MARCO: variants seen among roughly 807,000 people sequenced by gnomAD.
MARCO encodes the protein macrophage receptor with collagenous structure, also known as macrophage receptor MARCO.
In MARCO, 72 loss-of-function variants were observed where a neutral mutation model predicts 70.0. That is an observed-to-expected ratio of 1.03 (90% confidence interval 0.85 to 1.25). MARCO has a LOEUF of 1.25. Among genes scored for constraint, MARCO ranks in the 50% most tolerant of loss-of-function variants. MARCO has a pLI of 0.00. For synonymous variants in MARCO, 273 were observed against 243.1 expected (o/e 1.12, Z -1.14); for missense variants, 696 against 659.3 (o/e 1.06, Z -0.61).
chr2:118,942,738 C>T (rs1007755287), intron 1 of MARCO, among the ~76,000 whole-genome samples: 1 of 151,866 alleles, frequency 6.6e-6, no homozygotes, highest in Non-Finnish European at 1.5e-5. Context: ...ACAATGAAAA[C>T]GCAAAACAGG....
chr2:118,948,027 C>T (rs1024637484), intron 1 of MARCO, among the ~76,000 whole-genome samples: 1 of 152,160 alleles, frequency 6.6e-6, no homozygotes, highest in African/African-American at 2.4e-5. Flanking sequence ...AAAATTTCAG[C>T]ATACAGATCC....
chr2:118,977,340 G>C (rs1372514659), intron 6 of MARCO, 131 bp from the exon 7 acceptor site: 1 of 746,576 alleles, frequency 1.3e-6, no homozygotes, highest in Non-Finnish European at 2.4e-6. Flanking sequence ...GAGAGAGTGA[G>C]AGTGAGAGAG....
chr2:118,948,744 T>C (rs2104546769), intron 1 of MARCO, among the ~76,000 whole-genome samples: 1 of 152,220 alleles, frequency 6.6e-6, no homozygotes, highest in East Asian at 1.9e-4. Flanking sequence ...TACAACATAA[T>C]ACTTAAGAAG....
intron 8 of MARCO, among the ~76,000 whole-genome samples, chr2:118,980,785 G>A (rs1680374426): frequency 6.6e-6 from 1 of 152,122 alleles, no homozygotes; most frequent in East Asian, 1.9e-4. Context: ...AACCAAAGAA[G>A]TCACAGAGCC....
Position 118,986,216 on chromosome 2 carries a change from C to T in MARCO, c.1063+3806C>T, listed in dbSNP as rs112673540. On this transcript the variant is annotated intron_variant, in intron 12 of 16. Coordinates refer to ENST00000327097, the MANE Select transcript of MARCO (RefSeq NM_006770.4). ...TTTGAGTCCCTTATCCTTCATCTCA[C>T]TTCTTACCACAAGGTCGATTTGTCA... is the stretch of plus-strand genomic sequence containing the variant. Among the ~76,000 whole-genome samples, 288 of 152,284 alleles carry T rather than the reference C, an allele frequency of 1.9e-3. 5 individuals are homozygous for T. Among genetic ancestry groups the T allele is most frequent in the African/African-American group, 6.0e-3 (248 of 41,542 alleles).
At position 118,991,763 on chromosome 2, in the gene MARCO, G is replaced by GTC. The variant is rs768723869; in HGVS notation, c.1109-9_1109-8dup. 6.5e-7 allele frequency: 1 copy of GTC among 1,537,182 alleles called. No homozygotes were observed. Among genetic ancestry groups the GTC allele is most frequent in the African/African-American group, 1.4e-5 (1 of 73,308 alleles). On this transcript the variant is annotated splice_polypyrimidine_tract_variant and intron_variant, in intron 13 of 16. Coordinates refer to ENST00000327097, the MANE Select transcript of MARCO (RefSeq NM_006770.4). ...AAGCAGGGCACCTGATCAGGGCAGT[G>GTC]TCTCTCCTTCCAGGCCCTGCAGGTG...
At chr2:118,992,572 T>A (rs767420432) in intron 15 of MARCO, 96 bp downstream of exon 15, 4 of 1,104,850 alleles carry the variant, frequency 3.6e-6, no homozygotes, top group Non-Finnish European at 5.4e-6. Flanking sequence ...GGTTCTCAAA[T>A]AAATTTCTCA....
At position 118,981,552 on chromosome 2, in the gene MARCO, T is replaced by C. The variant is rs200351629; in HGVS notation, c.865+45T>C. On this transcript the variant is annotated intron_variant, in intron 9 of 16. Coordinates refer to ENST00000327097, the MANE Select transcript of MARCO (RefSeq NM_006770.4). The stretch of plus-strand genomic sequence containing the variant: ...CATCCACTGACCTCTAGGTATTTCC[T>C]TTTTTTTTTTTTTCTGGCTGGCTGA... 1.9e-5 allele frequency: 10 copies of C among 535,704 alleles called. No homozygotes were observed. The East Asian group carries it at 5.9e-4, about 32-fold the overall frequency. The allele number at this position is 535,704 out of a possible 1,614,324, so 33.2% of individuals were successfully genotyped here.
intron 15 of MARCO, chr2:118,992,902 C>T (rs1038849014): frequency 3.9e-6 from 2 of 517,296 alleles, no homozygotes; most frequent in Admixed American, 3.6e-5. Flanking sequence ...CACAGGGGCA[C>T]CTGCCCCTGT....
chr2:118,949,689 G>T (rs1679682072), intron 1 of MARCO: 1 of 152,172 alleles, frequency 6.6e-6, no homozygotes, highest in Non-Finnish European at 1.5e-5. Flanking sequence ...GGTAGGGCTT[G>T]ACCCAGGAAC....
intron 12 of MARCO, among the ~76,000 whole-genome samples, chr2:118,986,224 C>T (rs1172995989): frequency 3.3e-5 from 5 of 152,098 alleles, no homozygotes; most frequent in Non-Finnish European, 7.3e-5. Context: ...CACTTCTTAC[C>T]ACAAGGTCGA....
At chr2:118,974,707 G>A in intron 6 of MARCO, 142 bp downstream of exon 6, 1 of 814,808 alleles carries the variant, frequency 1.2e-6, no homozygotes, top group African/African-American at 1.7e-5. Context: ...GGAGACCCCA[G>A]AGGGGATGAG....
At chr2:118,954,885 G>A (rs1409671441) in intron 1 of MARCO, among the ~76,000 whole-genome samples, 1 of 151,942 alleles carries the variant, frequency 6.6e-6, no homozygotes, top group Non-Finnish European at 1.5e-5. Context: ...CTACATCAAG[G>A]GAACACCCCG....
At chr2:118,957,743 G>T (rs941361983) in intron 1 of MARCO, among the ~76,000 whole-genome samples, 1 of 151,990 alleles carries the variant, frequency 6.6e-6, no homozygotes, top group African/African-American at 2.4e-5. Flanking sequence ...GATGAACATA[G>T]ATGTGAAAAT....
Position 118,994,432 on chromosome 2 carries a change from A to G in MARCO, c.1475A>G (p.Glu492Gly), listed in dbSNP as rs1680684040. The change falls in exon 17 of 17, where the codon GAG becomes GGG. Residue 492 changes from glutamate (E) to glycine (G), a missense_variant. By Grantham distance (98) the Glu-to-Gly change is moderately conservative (BLOSUM62 -2). Transcript: ENST00000327097. Reference sequence around the variant, plus strand: ...GATAATGTTCAGTGTCGGGGCACGGAGAGTACCCTGTGGAGCTGCACCAAG... The same window carrying G: ...GATAATGTTCAGTGTCGGGGCACGGGGAGTACCCTGTGGAGCTGCACCAAG... ...WLDNVQCRGTESTLWSCTKNS... is the reference protein window; with the variant it reads ...WLDNVQCRGTGSTLWSCTKNS... The G allele has an allele frequency of 1.2e-6, 2 of 1,614,090 alleles. No homozygotes were observed.
At chr2:118,962,055 T>C (rs1679958796) in intron 1 of MARCO, among the ~76,000 whole-genome samples, 2 of 152,174 alleles carry the variant, frequency 1.3e-5, no homozygotes, top group Admixed American at 6.5e-5. Context: ...TGCTGAGTTG[T>C]CTATTCTGTT....
chr2:118,954,321 C>T (rs1679786261), intron 1 of MARCO, among the ~76,000 whole-genome samples: 1 of 152,130 alleles, frequency 6.6e-6, no homozygotes, highest in Admixed American at 6.5e-5. Context: ...TGACAACCTG[C>T]ATGACTCAGC....
chr2:118,970,136 C>A lies in MARCO; in HGVS notation c.222C>A (p.Leu74=). Residue 74 remains leucine, a synonymous_variant, in exon 3 of 17, where the codon CTC becomes CTA. Coordinates refer to ENST00000327097, the MANE Select transcript of MARCO (RefSeq NM_006770.4). The part of the protein sequence containing the change: ...VVQVLNLQAR[L]RVLEMYFLND... Reference sequence around the variant, plus strand: ...CAGTTCTGAATCTGCAGGCGCGGCTCCGGGTCCTGGAGATGTATTTCCTCA... The same window carrying A: ...CAGTTCTGAATCTGCAGGCGCGGCTACGGGTCCTGGAGATGTATTTCCTCA... 1.2e-6 allele frequency: 2 copies of A among 1,614,074 alleles called. No homozygotes were observed. The highest frequency in any genetic ancestry group is 1.7e-6 in the Non-Finnish European group (2 of 1,180,022).
chr2:118,954,186 G>A (rs1359848532), intron 1 of MARCO, among the ~76,000 whole-genome samples: 2 of 152,198 alleles, frequency 1.3e-5, no homozygotes, highest in Non-Finnish European at 2.9e-5. Flanking sequence ...TTTCAAGGCT[G>A]TCTCCCCCTC....
Sources: allele counts gnomAD v4.1 joint callset (sites outside exome capture counted in the v4.1 genomes callset), GRCh38; gene constraint gnomAD v4.1.1; transcripts MANE v1.5; gene names NCBI Gene and HGNC (gene_info 2026-07-23, HGNC 2026-07-21).